Variants in FNDC3A observed in about 807,000 individuals in gnomAD.
FNDC3A encodes fibronectin type-III domain-containing protein 3A.
FNDC3A carries 32 observed loss-of-function variants against 148.9 expected under a neutral mutation model. That is an observed-to-expected ratio of 0.21 (90% CI 0.16 to 0.29). The LOEUF (loss-of-function observed/expected upper bound fraction) is 0.29, where lower values mean the gene tolerates loss of function less well. Among genes scored for constraint, FNDC3A ranks in the 10% least tolerant of loss-of-function variants. FNDC3A has a pLI of 1.00. For missense variants in FNDC3A, 1,191 were observed against 1,452.8 expected, an observed-to-expected ratio of 0.82 and a Z score of 2.93; for synonymous variants, 472 against 473.6, an observed-to-expected ratio of 1.00 and a Z score of 0.04.
intron 3 of FNDC3A, chr13:49,110,416 G>C (rs1280769703): frequency 1.9e-6 from 3 of 1,555,298 alleles, no homozygotes; most frequent in Non-Finnish European, 2.7e-6. Flanking sequence ...GGTAAGATTT[G>C]CTGTTTTCGA....
chr13:48,997,600 C>G (rs1023255000), intron 1 of FNDC3A, among the ~76,000 whole-genome samples: 4 of 152,232 alleles, frequency 2.6e-5, no homozygotes, highest in Non-Finnish European at 4.4e-5. Flanking sequence ...CTTGCATGCT[C>G]TCTGCCTTGA....
intron 2 of FNDC3A, among the ~76,000 whole-genome samples, chr13:49,063,863 ATTC>A (rs1177080760): frequency 1.3e-5 from 2 of 152,232 alleles, no homozygotes; most frequent in African/African-American, 2.4e-5. Flanking sequence ...TGATATAATA[ATTC>A]TTCTACTTAA....
Position 49,161,315 on chromosome 13 carries a change from A to G in FNDC3A, c.978-5929A>G, listed in dbSNP as rs193283145. ...GAATCTGGGTGTATATATATTTAGG[A>G]TAGTTAGCTCTTCTTGTTGAATTGA... On this transcript the variant is annotated intron_variant, in intron 8 of 25. Coordinates refer to ENST00000492622, the MANE Select transcript of FNDC3A (RefSeq NM_001079673.2). Among the ~76,000 whole-genome samples, 48 of 152,192 alleles carry G rather than the reference A, an allele frequency of 3.2e-4. No homozygotes were observed. In the East Asian group the frequency reaches 6.0e-3, roughly 19 times the overall value.
chr13:49,128,896 G>A (rs2137918218), intron 4 of FNDC3A, among the ~76,000 whole-genome samples: 1 of 152,264 alleles, frequency 6.6e-6, no homozygotes, highest in South Asian at 2.1e-4. Context: ...TCAAGTTTCT[G>A]CTTAAGCTTT....
intron 2 of FNDC3A, chr13:49,044,043 C>A (rs951911326): frequency 3.2e-5 from 5 of 157,488 alleles, no homozygotes; most frequent in Non-Finnish European, 7.0e-5. Context: ...AAATGAATCC[C>A]TTAAGTTGCA....
intron 5 of FNDC3A, among the ~76,000 whole-genome samples, chr13:49,133,087 A>G (rs1882130383): frequency 6.6e-6 from 1 of 152,172 alleles, no homozygotes; most frequent in South Asian, 2.1e-4. Flanking sequence ...TGTACACATC[A>G]TATGTATTTG....
chr13:49,000,728 T>G (rs531019894), intron 1 of FNDC3A, among the ~76,000 whole-genome samples: 3 of 152,322 alleles, frequency 2.0e-5, no homozygotes, highest in Admixed American at 6.5e-5. Context: ...CTGCATTTAT[T>G]TGTGTTTTTA....
At chr13:48,983,227 G>A (rs1316563676) in intron 1 of FNDC3A, among the ~76,000 whole-genome samples, 1 of 152,118 alleles carries the variant, frequency 6.6e-6, no homozygotes, top group Non-Finnish European at 1.5e-5. Flanking sequence ...CTTTTCACTT[G>A]TGTGAGTCCT....
intron 19 of FNDC3A, among the ~76,000 whole-genome samples, chr13:49,194,986 T>C (rs1886078165): frequency 6.6e-6 from 1 of 152,132 alleles, no homozygotes; most frequent in Non-Finnish European, 1.5e-5. Context: ...TATAAGGAAG[T>C]TGGAGTTTTG....
At chr13:49,064,350 G>A (rs1877107168) in intron 2 of FNDC3A, among the ~76,000 whole-genome samples, 1 of 148,882 alleles carries the variant, frequency 6.7e-6, no homozygotes, top group Non-Finnish European at 1.5e-5. Context: ...CAAAAAAAAA[G>A]TAGTCTGTGG....
At chr13:49,188,288 C>T (rs1210165656) in intron 16 of FNDC3A, among the ~76,000 whole-genome samples, 14 of 152,170 alleles carry the variant, frequency 9.2e-5, no homozygotes, top group Admixed American at 9.2e-4. Context: ...AAAGTCTGTA[C>T]AGAGTTACAG....
At chr13:49,158,116 C>G (rs974138397) in intron 8 of FNDC3A, among the ~76,000 whole-genome samples, 1 of 152,248 alleles carries the variant, frequency 6.6e-6, no homozygotes, top group Non-Finnish European at 1.5e-5. Context: ...GCCCCTCCCC[C>G]AGCCTCGCTG....
chr13:49,003,781 A>G (rs954818944), intron 1 of FNDC3A, among the ~76,000 whole-genome samples: 2 of 152,224 alleles, frequency 1.3e-5, no homozygotes, highest in African/African-American at 2.4e-5. Context: ...AGTTGCAAGA[A>G]TAGTACAAAG....
chr13:49,027,546 G>A (rs535110626), intron 2 of FNDC3A, among the ~76,000 whole-genome samples: 117 of 152,298 alleles, frequency 7.7e-4, no homozygotes, highest in African/African-American at 2.5e-3. Flanking sequence ...GTATAAAAAT[G>A]TAATTAGTGT....
At chr13:49,193,150 G>C (rs1885972882) in intron 19 of FNDC3A, among the ~76,000 whole-genome samples, 1 of 152,102 alleles carries the variant, frequency 6.6e-6, no homozygotes, top group East Asian at 1.9e-4. Flanking sequence ...TGCTCTCCAT[G>C]AACTAAACTG....
At chr13:49,123,262 TAATA>T (rs1168336204) in intron 4 of FNDC3A, among the ~76,000 whole-genome samples, 1 of 152,202 alleles carries the variant, frequency 6.6e-6, no homozygotes, top group Non-Finnish European at 1.5e-5. Context: ...ATTCCCTATT[TAATA>T]AATTGTGTTG....
rs9591232 is a variant in FNDC3A at position 49,019,093 on chromosome 13, C to A, written c.99+12804C>A. ...CTGCCCCCAGAGGTGGAGCCTACAG[C>A]GGCAGGCAGGCCTCCTGGAGCTGTG... On this transcript the variant is annotated intron_variant, in intron 2 of 25. Transcript: ENST00000492622. Among the ~76,000 whole-genome samples, 675 of 152,354 alleles carry A rather than the reference C, an allele frequency of 4.4e-3. 4 individuals are homozygous for A. Among genetic ancestry groups the A allele is most frequent in the African/African-American group, 0.014 (576 of 41,582 alleles).
At chr13:49,067,628 C>T (rs1877353897) in intron 2 of FNDC3A, among the ~76,000 whole-genome samples, 1 of 152,144 alleles carries the variant, frequency 6.6e-6, no homozygotes, top group South Asian at 2.1e-4. Flanking sequence ...ACAAAAAAAC[C>T]TTATAACCTC....
chr13:49,173,328 T>C (rs1452646253), intron 11 of FNDC3A, among the ~76,000 whole-genome samples: 2 of 152,260 alleles, frequency 1.3e-5, no homozygotes, highest in Admixed American at 1.3e-4. Context: ...AATTTAGAAT[T>C]AGGAAACCTA....
Sources: allele counts gnomAD v4.1 joint callset (sites outside exome capture counted in the v4.1 genomes callset), GRCh38; gene constraint gnomAD v4.1.1; transcripts MANE v1.5; gene names NCBI Gene and HGNC (gene_info 2026-07-23, HGNC 2026-07-21).